The following PGGT1B variants were observed in gnomAD, a reference collection of about 807,000 sequenced individuals.
PGGT1B encodes protein geranylgeranyltransferase type I subunit beta, also known as geranylgeranyl transferase type-1 subunit beta.
PGGT1B carries 30 observed loss-of-function variants against 46.1 expected under a neutral mutation model. That is an observed-to-expected ratio of 0.65 (90% confidence interval 0.49 to 0.88). The LOEUF is 0.88. Among genes scored for constraint, PGGT1B ranks in the 40% least tolerant of loss-of-function variants. PGGT1B has a pLI of 0.00. For missense variants in PGGT1B, 376 were observed against 455.9 expected, an observed-to-expected ratio of 0.82 and a Z score of 1.60; for synonymous variants, 170 against 160.0, an observed-to-expected ratio of 1.06 and a Z score of -0.47.
chr5:115,243,217 T>C (rs1398375236), intron 2 of PGGT1B, among the ~76,000 whole-genome samples: 2 of 152,210 alleles, frequency 1.3e-5, no homozygotes, highest in African/African-American at 4.8e-5. Flanking sequence ...GACCTAGTCA[T>C]GATATATCTG....
At chr5:115,219,244 G>A (rs908928035) in intron 7 of PGGT1B, among the ~76,000 whole-genome samples, 9 of 151,778 alleles carry the variant, frequency 5.9e-5, no homozygotes, top group Middle Eastern at 3.4e-3. Context: ...CTGGCACAAG[G>A]GCAGCCATAT....
At chr5:115,227,200 C>T (rs1756817003) in intron 6 of PGGT1B, among the ~76,000 whole-genome samples, 1 of 152,050 alleles carries the variant, frequency 6.6e-6, no homozygotes, top group Non-Finnish European at 1.5e-5. Flanking sequence ...TGACACTTAA[C>T]CTGATATGTA....
intron 6 of PGGT1B, among the ~76,000 whole-genome samples, chr5:115,226,541 AATATAT>A (rs1029002181): frequency 6.9e-6 from 1 of 145,014 alleles, no homozygotes; most frequent in Non-Finnish European, 1.5e-5. Context: ...GTTGAATTAA[AATATAT>A]ATATATAAAA....
At chr5:115,217,044 A>G (rs1048634924) in intron 7 of PGGT1B, 71 bp from the exon 8 acceptor site, 12 of 731,522 alleles carry the variant, frequency 1.6e-5, no homozygotes, top group Non-Finnish European at 2.7e-5. Flanking sequence ...AATTTCAGAT[A>G]CGTGTCATTT....
intron 5 of PGGT1B, among the ~76,000 whole-genome samples, chr5:115,231,977 G>A (rs898582609): frequency 3.9e-5 from 6 of 152,002 alleles, no homozygotes; most frequent in Admixed American, 2.6e-4. Context: ...GTTAGGAATT[G>A]GTCATTGCTC....
intron 6 of PGGT1B, among the ~76,000 whole-genome samples, chr5:115,222,719 T>C (rs1580749345): frequency 2.0e-5 from 3 of 152,268 alleles, no homozygotes; most frequent in South Asian, 4.1e-4. Flanking sequence ...AGACTTGGAA[T>C]CAACCCAAAC....
At chr5:115,254,003 T>C (rs1258028037) in intron 1 of PGGT1B, among the ~76,000 whole-genome samples, 2 of 152,042 alleles carry the variant, frequency 1.3e-5, no homozygotes, top group Non-Finnish European at 2.9e-5. Flanking sequence ...CTTGATTGAG[T>C]ACTGTTACAT....
chr5:115,229,872 T>C (rs1041190464), intron 6 of PGGT1B, among the ~76,000 whole-genome samples: 111 of 152,060 alleles, frequency 7.3e-4, no homozygotes, highest in Non-Finnish European at 5.4e-4. Flanking sequence ...GTCATAATTA[T>C]AGTATGGCTT....
rs540546654 is a variant in PGGT1B at position 115,207,045 on chromosome 5, G to C, written c.*5357C>G. 7.5e-4 allele frequency: 114 copies of C among 151,354 alleles called. No homozygotes were observed. Among genetic ancestry groups the C allele is most frequent in the Middle Eastern group, 3.4e-3 (1 of 294 alleles). 9.4% of individuals were successfully genotyped at this position (151,354 alleles called of 1,614,324 possible). A position where few individuals can be genotyped will look rare whatever the true frequency, so the allele number is the denominator to read the frequency against. ...GAATCTACATTTTTGCCTCTCAAGA[G>C]TTTTTTTAGTTTTCCTCATACAGAT... is the stretch of plus-strand genomic sequence containing the variant. On this transcript the variant is annotated 3_prime_UTR_variant, in exon 9 of 9. Coordinates refer to ENST00000419445, the MANE Select transcript of PGGT1B (RefSeq NM_005023.4).
Position 115,262,697 on chromosome 5 carries a change from T to C in PGGT1B, c.140+15A>G. ...CGGGCCTTGTGCCAGCCTGGCTGAC[T>C]GTGCCACGAGTTACCTGCTTGTCTC... On this transcript the variant is annotated intron_variant, in intron 1 of 8. Transcript: ENST00000419445. 1.3e-6 allele frequency: 2 copies of C among 1,597,398 alleles called. No individual in the cohort carries two copies. The highest frequency in any genetic ancestry group is 1.7e-6 in the Non-Finnish European group (2 of 1,171,520).
chr5:115,219,486 A>G (rs1756522700), intron 7 of PGGT1B, among the ~76,000 whole-genome samples: 1 of 151,948 alleles, frequency 6.6e-6, no homozygotes, highest in Non-Finnish European at 1.5e-5. Flanking sequence ...GCCTGAAACC[A>G]TAAAATTATT....
At chr5:115,230,752 A>G (rs1197451795) in intron 6 of PGGT1B, among the ~76,000 whole-genome samples, 1 of 152,122 alleles carries the variant, frequency 6.6e-6, no homozygotes, top group Admixed American at 6.6e-5. Flanking sequence ...ACTAGAAAAC[A>G]TCATATGAAC....
Position 115,262,001 on chromosome 5 carries a change from A to G in PGGT1B, c.140+711T>C, listed in dbSNP as rs370959959. Among the ~76,000 whole-genome samples the G allele has an allele frequency of 3.9e-5, 6 of 152,248 alleles. No individual in the cohort carries two copies. The East Asian group carries it at 1.2e-3, about 29-fold the overall frequency. ...AGAATTTGGAAAACGTGGGGAAAGA[A>G]CACAGCAAAAACAAGCCGCTCTTTC... On this transcript the variant is annotated intron_variant, in intron 1 of 8. Coordinates refer to ENST00000419445, the MANE Select transcript of PGGT1B (RefSeq NM_005023.4).
rs763372713 is a variant in PGGT1B at position 115,262,739 on chromosome 5, T to C, written c.113A>G (p.Glu38Gly). ...FFQRCLQVLP[E>G]RYSSLETSRL... The stretch of plus-strand genomic sequence containing the variant: ...GCTTGTCTCGAGTGAAGAATAGCGC[T>C]CCGGCAAAACCTGGAGGCAGCGCTG... Residue 38 changes from glutamate (E) to glycine (G), a missense_variant, in exon 1 of 9, where the codon GAG becomes GGG. Around this residue, in one of 2 missense-constraint regions of PGGT1B, gnomAD observed 154 missense variants for 142.3 expected, o/e 1.08. Coordinates refer to ENST00000419445, the MANE Select transcript of PGGT1B (RefSeq NM_005023.4). 2 of 1,612,426 alleles carry C rather than the reference T, an allele frequency of 1.2e-6. No homozygotes were observed. Among genetic ancestry groups the C allele is most frequent in the East Asian group, 4.5e-5 (2 of 44,780 alleles).
intron 6 of PGGT1B, among the ~76,000 whole-genome samples, chr5:115,223,673 C>T (rs265430): frequency 0.73 from 110,666 of 152,060 alleles, 41,454 homozygotes; most frequent in African/African-American, 0.92. Flanking sequence ...TAAATTTGTG[C>T]TGCTTTACAC....
intron 8 of PGGT1B, 106 bp from the exon 9 acceptor site, chr5:115,212,689 T>C (rs1211534744): frequency 1.4e-6 from 1 of 693,030 alleles, no homozygotes; most frequent in African/African-American, 1.9e-5. Context: ...TAAAAGTAAG[T>C]TTAGAGAAAT....
chr5:115,248,220 G>A (rs936015664), intron 2 of PGGT1B, among the ~76,000 whole-genome samples: 1 of 152,040 alleles, frequency 6.6e-6, no homozygotes, highest in African/African-American at 2.4e-5. Flanking sequence ...CAGTCTCTGA[G>A]TTCCCATGAG....
rs1748364803 is a variant in PGGT1B at position 115,257,377 on chromosome 5, G to A, written c.141-4122C>T. 2.0e-5 allele frequency among the ~76,000 whole-genome samples: 3 copies of A among 152,042 alleles called. No individual in the cohort carries two copies. The South Asian group carries it at 6.2e-4, about 32-fold the overall frequency. On this transcript the variant is annotated intron_variant, in intron 1 of 8. Transcript: ENST00000419445. Reference sequence around the variant, plus strand: ...AAAATACAAAAAGTCAGCTAGGCGTGGTGGTGGGCACCTGTAATCCCAGCT... The same window carrying A: ...AAAATACAAAAAGTCAGCTAGGCGTAGTGGTGGGCACCTGTAATCCCAGCT...
intron 7 of PGGT1B, among the ~76,000 whole-genome samples, chr5:115,220,169 T>G (rs913985155): frequency 1.3e-5 from 2 of 151,890 alleles, no homozygotes; most frequent in African/African-American, 4.8e-5. Context: ...GCAGTATTAT[T>G]TGCAATAGCC....
Sources: gnomAD v4.1 joint callset for allele counts (sites outside exome capture counted in the v4.1 genomes callset) on GRCh38, gnomAD v4.1.1 for gene constraint, gnomAD v4.1.1 regional missense constraint, MANE v1.5 for transcripts, NCBI Gene and HGNC (gene_info 2026-07-23, HGNC 2026-07-21) for gene names.